The following IL5RA variants were observed in gnomAD, a reference collection of about 807,000 sequenced individuals.
IL5RA encodes the protein interleukin 5 receptor subunit alpha, also known as interleukin-5 receptor subunit alpha.
In IL5RA, 49 loss-of-function variants were observed where a neutral mutation model predicts 50.0. That is an observed-to-expected ratio of 0.98 (90% CI 0.78 to 1.24). The LOEUF (loss-of-function observed/expected upper bound fraction) is 1.24, where lower values mean the gene tolerates loss of function less well. Ranked by LOEUF, IL5RA falls within the 50% of genes most tolerant of loss-of-function variation. The pLI, the probability that IL5RA is intolerant of heterozygous loss-of-function variation, is 0.00. For synonymous variants in IL5RA, 202 were observed against 174.0 expected (o/e 1.16, Z -1.26); for missense variants, 600 against 500.4 (o/e 1.20, Z -1.90).
chr3:3,080,802 C>T (rs1702637483), intron 9 of IL5RA, among the ~76,000 whole-genome samples: 1 of 152,156 alleles, frequency 6.6e-6, no homozygotes. Flanking sequence ...TCAAGCAATC[C>T]TCTCGCCTTA....
At chr3:3,088,710 G>A (rs879303703) in intron 9 of IL5RA, among the ~76,000 whole-genome samples, 1 of 152,068 alleles carries the variant, frequency 6.6e-6, no homozygotes, top group Non-Finnish European at 1.5e-5. Flanking sequence ...TCTGACCTTG[G>A]TATCCATCAT....
chr3:3,099,324 C>T (rs80197468), intron 5 of IL5RA, among the ~76,000 whole-genome samples: 3 of 152,150 alleles, frequency 2.0e-5, no homozygotes, highest in Non-Finnish European at 1.5e-5. Context: ...ATGGTGAAAC[C>T]TCGTCTTTGC....
intron 11 of IL5RA, among the ~76,000 whole-genome samples, 177 bp downstream of exon 11, chr3:3,074,604 TA>T (rs1702413868): frequency 6.6e-6 from 1 of 152,096 alleles, no homozygotes; most frequent in Admixed American, 6.6e-5. Context: ...CCCCATCTCT[TA>T]AAAAATACAA....
At chr3:3,077,662 G>A (rs956380433) in intron 9 of IL5RA, among the ~76,000 whole-genome samples, 1 of 152,126 alleles carries the variant, frequency 6.6e-6, no homozygotes, top group Admixed American at 6.6e-5. Context: ...TCAGCTACTT[G>A]GGAGGCCGAG....
At chr3:3,108,753 C>T (rs1448681129) in intron 1 of IL5RA, 62 bp from the exon 2 acceptor site, 1 of 152,178 alleles carries the variant, frequency 6.6e-6, no homozygotes, top group East Asian at 1.9e-4. Context: ...TGAAACCTAA[C>T]AGAGGAATGA....
chr3:3,093,848 G>A (rs1574997402), intron 8 of IL5RA, among the ~76,000 whole-genome samples: 2 of 152,204 alleles, frequency 1.3e-5, no homozygotes, highest in East Asian at 3.9e-4. Flanking sequence ...GAATCTAATT[G>A]AATTGGCTTT....
At chr3:3,096,696 C>G (rs1703383159) in intron 7 of IL5RA, among the ~76,000 whole-genome samples, 2 of 152,070 alleles carry the variant, frequency 1.3e-5, no homozygotes, top group Admixed American at 6.6e-5. Flanking sequence ...TGCCTATTTT[C>G]ATGAAAGTGA....
chr3:3,082,888 A>G (rs1193111961), intron 9 of IL5RA, among the ~76,000 whole-genome samples: 3 of 152,222 alleles, frequency 2.0e-5, no homozygotes, highest in African/African-American at 7.2e-5. Context: ...ATGAACTTTC[A>G]GTGCTTACAT....
intron 7 of IL5RA, 41 bp downstream of exon 7, chr3:3,097,829 C>G: frequency 6.3e-7 from 1 of 1,580,544 alleles, no homozygotes; most frequent in East Asian, 2.3e-5. Flanking sequence ...GCTGAGATTC[C>G]GAGATTCAGT....
Position 3,105,115 on chromosome 3 carries a change from G to A in IL5RA, c.-3-128C>T, listed in dbSNP as rs553075313. ...GACATTTATGGCATATTTGTTATGC[G>A]CAAAAAGTACAAACATGACCAAATG... On this transcript the variant is annotated intron_variant, in intron 2 of 11. Transcript: ENST00000446632. 59 of 611,474 alleles carry A rather than the reference G, an allele frequency of 9.6e-5. 1 individual carries two copies. The highest frequency in any genetic ancestry group is 6.3e-4 in the African/African-American group (34 of 53,640). 37.9% of individuals were successfully genotyped at this position (611,474 alleles called of 1,614,324 possible).
chr3:3,101,651 G>A, intron 5 of IL5RA, 41 bp downstream of exon 5: 1 of 1,597,392 alleles, frequency 6.3e-7, no homozygotes, highest in Non-Finnish European at 8.5e-7. Context: ...TATTTGCAAA[G>A]TCCAAAACAT....
At chr3:3,105,825 C>T (rs181753183) in intron 2 of IL5RA, among the ~76,000 whole-genome samples, 4 of 152,224 alleles carry the variant, frequency 2.6e-5, no homozygotes, top group African/African-American at 9.6e-5. Context: ...AGAGGAGAGT[C>T]GGTGATCTCT....
intron 3 of IL5RA, 78 bp from the exon 4 acceptor site, chr3:3,102,898 T>A: frequency 8.1e-7 from 1 of 1,239,246 alleles, no homozygotes; most frequent in Non-Finnish European, 1.1e-6. Flanking sequence ...TTCGAATATT[T>A]ATTGCCCTGC....
intron 9 of IL5RA, among the ~76,000 whole-genome samples, chr3:3,086,971 C>G (rs1299763575): frequency 1.3e-5 from 2 of 152,082 alleles, no homozygotes; most frequent in African/African-American, 4.8e-5. Context: ...GAACAAAAAA[C>G]CAAATACCAT....
chr3:3,084,115 G>GGCA (rs1702766567), intron 9 of IL5RA, among the ~76,000 whole-genome samples: 1 of 151,416 alleles, frequency 6.6e-6, no homozygotes, highest in Admixed American at 6.6e-5. Context: ...AGTGACCTTC[G>GGCA]GCAGGGTAGC....
At chr3:3,085,779 CAG>C (rs1459747995) in intron 9 of IL5RA, among the ~76,000 whole-genome samples, 1 of 152,170 alleles carries the variant, frequency 6.6e-6, no homozygotes, top group Non-Finnish European at 1.5e-5. Flanking sequence ...TAAGTCCTAA[CAG>C]ATTCTAGGAT....
intron 3 of IL5RA, among the ~76,000 whole-genome samples, chr3:3,103,524 G>T (rs1302643628): frequency 6.6e-6 from 1 of 152,176 alleles, no homozygotes; most frequent in East Asian, 1.9e-4. Flanking sequence ...ATGTAAAAAT[G>T]TATTTACCTC....
At chr3:3,102,136 G>A (rs1703682513) in intron 4 of IL5RA, among the ~76,000 whole-genome samples, 1 of 152,194 alleles carries the variant, frequency 6.6e-6, no homozygotes, top group South Asian at 2.1e-4. Flanking sequence ...CATATTGACT[G>A]AAAAATAGTG....
chr3:3,090,049 G>C (rs1574991638), intron 9 of IL5RA: 1 of 615,328 alleles, frequency 1.6e-6, no homozygotes, highest in South Asian at 2.0e-5. Flanking sequence ...CCTGCCACTT[G>C]TTGGCCATGC....
Sources: allele counts gnomAD v4.1 joint callset (sites outside exome capture counted in the v4.1 genomes callset), GRCh38; gene constraint gnomAD v4.1.1; transcripts MANE v1.5; gene names NCBI Gene and HGNC (gene_info 2026-07-23, HGNC 2026-07-21).